Variants in TRIM67 observed in about 807,000 individuals in gnomAD.
TRIM67 encodes tripartite motif containing 67.
A neutral mutation model predicts 71.0 loss-of-function variants in TRIM67; 39 were observed. That is an observed-to-expected ratio of 0.55 (90% CI 0.43 to 0.72). The LOEUF is 0.72. Among genes scored for constraint, TRIM67 ranks in the 30% least tolerant of loss-of-function variants. TRIM67 has a pLI of 0.00. For synonymous variants in TRIM67, 481 were observed against 473.9 expected, an observed-to-expected ratio of 1.01 and a Z score of -0.19; for missense variants, 973 against 1,079.2, an observed-to-expected ratio of 0.90 and a Z score of 1.38.
In TRIM67 at chr1:231,163,624, G is replaced by T; in HGVS notation, c.655G>T (p.Ala219Ser). The part of the protein sequence containing the change: ...QLCDRTPPEP[A>S]ATLCEQCDVL... ...GTGCGACCGCACCCCGCCAGAGCCA[G>T]CAGCCACGCTCTGCGAGCAGTGCGA... is the stretch of plus-strand genomic sequence containing the variant. Residue 219 changes from alanine (A) to serine (S), a missense_variant, in exon 1 of 10, where the codon GCA becomes TCA. By Grantham distance (99) the Ala-to-Ser change is moderately conservative. Transcript: ENST00000366653. 6.6e-7 allele frequency: 1 copy of T among 1,520,518 alleles called. No individual in the cohort carries two copies. The highest frequency in any genetic ancestry group is 8.8e-7 in the Non-Finnish European group (1 of 1,137,244). The allele number at this position is 1,520,518 out of a possible 1,614,324, so 94.2% of individuals were successfully genotyped here. A position where few individuals can be genotyped will look rare whatever the true frequency, so the allele number is the denominator to read the frequency against.
intron 7 of TRIM67, among the ~76,000 whole-genome samples, chr1:231,208,154 G>A (rs548172124): frequency 8.0e-5 from 12 of 150,350 alleles, no homozygotes; most frequent in South Asian, 2.1e-4. Context: ...GACTATAGGC[G>A]CCCACCACCA....
rs1352535467 is a variant in TRIM67, at chr1:231,198,526, A to G, written c.1141-521A>G. On this transcript the variant is annotated intron_variant, in intron 2 of 9. Coordinates refer to ENST00000366653, the MANE Select transcript of TRIM67 (RefSeq NM_001004342.5). ...CTCAGCCCCCTGAGTAGCTGGGATT[A>G]CAGGCATGTGCCCCTACACCCAGCT... 3.3e-5 allele frequency among the ~76,000 whole-genome samples: 5 copies of G among 152,180 alleles called. No individual in the cohort carries two copies. In the South Asian group the frequency reaches 1.0e-3, roughly 32 times the overall value.
intron 9 of TRIM67, 77 bp downstream of exon 9, chr1:231,214,054 C>A: frequency 1.4e-6 from 2 of 1,446,760 alleles, no homozygotes; most frequent in Non-Finnish European, 1.8e-6. Flanking sequence ...TGCCCTTGGG[C>A]AGAGTGGGCC....
intron 7 of TRIM67, among the ~76,000 whole-genome samples, chr1:231,208,500 C>T (rs546068870): frequency 1.1e-4 from 17 of 151,908 alleles, no homozygotes; most frequent in South Asian, 2.1e-4. Context: ...TTAGTAGAGA[C>T]GGAGTTTAAC....
chr1:231,162,394 A>G lies in TRIM67; in HGVS notation c.-576A>G, dbSNP rs1186257449. ...CAGGGGTCGGCGAGCAGGCAGCTGG[A>G]GCCCCACCTTCGGCTCCCGGGCGCT... On this transcript the variant is annotated 5_prime_UTR_variant, in exon 1 of 10. Transcript: ENST00000366653. The G allele has an allele frequency of 1.3e-5, 2 of 152,222 alleles. No homozygotes were observed. The highest frequency in any genetic ancestry group is 4.8e-5 in the African/African-American group (2 of 41,450). 9.4% of individuals were successfully genotyped at this position (152,222 alleles called of 1,614,324 possible).
At chr1:231,185,614 G>C (rs953327207) in intron 1 of TRIM67, among the ~76,000 whole-genome samples, 1 of 151,898 alleles carries the variant, frequency 6.6e-6, no homozygotes, top group African/African-American at 2.4e-5. Flanking sequence ...CCCTTTTGCA[G>C]CTCCCCAGAG....
chr1:231,164,107 G>A (rs1571864485), intron 1 of TRIM67, 94 bp downstream of exon 1: 6 of 1,330,636 alleles, frequency 4.5e-6, no homozygotes, highest in Non-Finnish European at 5.8e-6. Context: ...ACAGAAAGTC[G>A]GTCAGAGGGT....
chr1:231,187,510 AC>A (rs1167572244), intron 1 of TRIM67: 69 of 1,515,404 alleles, frequency 4.6e-5, no homozygotes, highest in African/African-American at 1.4e-4. Flanking sequence ...AAAAAAAAAA[AC>A]AATACCTTAG....
intron 6 of TRIM67, among the ~76,000 whole-genome samples, chr1:231,206,127 A>AT (rs530000736): frequency 3.3e-5 from 5 of 150,514 alleles, no homozygotes; most frequent in East Asian, 1.9e-4. Context: ...TTTGGTAAGA[A>AT]TTTTTTTTTT....
Position 231,218,432 on chromosome 1 carries a change from C to T in TRIM67, c.*2992C>T. 1 of 985,634 alleles carries T rather than the reference C, an allele frequency of 1.0e-6. No homozygotes were observed. The highest frequency in any genetic ancestry group is 1.2e-6 in the Non-Finnish European group (1 of 830,098). The allele number at this position is 985,634 out of a possible 1,614,324, so 61.1% of individuals were successfully genotyped here. A position where few individuals can be genotyped will look rare whatever the true frequency, so the allele number is the denominator to read the frequency against. On this transcript the variant is annotated 3_prime_UTR_variant, in exon 10 of 10. Coordinates refer to ENST00000366653, the MANE Select transcript of TRIM67 (RefSeq NM_001004342.5). Reference sequence around the variant, plus strand: ...ATAGTGCCTCTGTAATGTGGTTCTGCAGTTGTTCTTTGCTAGTGAGCAAGC... The same window carrying T: ...ATAGTGCCTCTGTAATGTGGTTCTGTAGTTGTTCTTTGCTAGTGAGCAAGC...
At chr1:231,191,826 G>A (rs1683238173) in intron 1 of TRIM67, among the ~76,000 whole-genome samples, 1 of 152,132 alleles carries the variant, frequency 6.6e-6, no homozygotes, top group Non-Finnish European at 1.5e-5. Flanking sequence ...AATATCTCAG[G>A]GAGCTAGTCA....
intron 1 of TRIM67, 45 bp downstream of exon 1, chr1:231,164,058 A>G: frequency 2.8e-6 from 4 of 1,436,098 alleles, no homozygotes; most frequent in Non-Finnish European, 3.7e-6. Context: ...GGAAGAGGGT[A>G]CGAGGAGAAA....
chr1:231,206,746 G>T lies in TRIM67; in HGVS notation c.1775G>T (p.Gly592Val). 6.2e-7 allele frequency: 1 copy of T among 1,611,174 alleles called. No individual in the cohort carries two copies. Among genetic ancestry groups the T allele is most frequent in the Non-Finnish European group, 8.5e-7 (1 of 1,178,752 alleles). Residue 592 changes from glycine (G) to valine (V), a missense_variant, in exon 7 of 10, where the codon GGT becomes GTT. By Grantham distance (109) the Gly-to-Val change is moderately radical. Around this residue, in one of 2 missense-constraint regions of TRIM67, gnomAD observed 795 missense variants for 831.3 expected, o/e 0.96. Transcript: ENST00000366653. ...CGAGTCAAAGCTTTCAACTCTTCTG[G>T]TGTCGGGCCTTACAGTAAAACTGTC... ...NARVKAFNSSGVGPYSKTVVL... is the reference protein window; with the variant it reads ...NARVKAFNSSVVGPYSKTVVL...
At chr1:231,185,098 C>T in intron 1 of TRIM67, 2 of 1,532,936 alleles carry the variant, frequency 1.3e-6, no homozygotes, top group Non-Finnish European at 8.7e-7. Context: ...CTTCGGTCAC[C>T]ATCTGCTGGC....
intron 2 of TRIM67, among the ~76,000 whole-genome samples, chr1:231,198,716 A>C (rs1683440190): frequency 6.6e-6 from 1 of 152,120 alleles, no homozygotes; most frequent in Non-Finnish European, 1.5e-5. Context: ...ACATACACAC[A>C]CACACACAAT....
chr1:231,168,518 A>G (rs1360881648), intron 1 of TRIM67, among the ~76,000 whole-genome samples: 2 of 152,254 alleles, frequency 1.3e-5, no homozygotes, highest in Non-Finnish European at 2.9e-5. Context: ...TTTCATAAAG[A>G]TGACACCTAC....
chr1:231,184,744 A>T (rs187694501), intron 1 of TRIM67: 1 of 495,504 alleles, frequency 2.0e-6, no homozygotes, highest in Admixed American at 3.5e-5. Context: ...TGGGGTTCTC[A>T]TTCTACCGAG....
intron 1 of TRIM67, among the ~76,000 whole-genome samples, chr1:231,188,732 G>T (rs1004145087): frequency 3.9e-5 from 6 of 152,260 alleles, no homozygotes; most frequent in African/African-American, 1.4e-4. Flanking sequence ...GCACCTCCTT[G>T]CTAGGTTATG....
intron 1 of TRIM67, among the ~76,000 whole-genome samples, chr1:231,191,889 A>G (rs1683239507): frequency 6.6e-6 from 1 of 152,178 alleles, no homozygotes; most frequent in Admixed American, 6.5e-5. Context: ...TATGGAGCAC[A>G]TTCTACATGT....
Sources: allele counts gnomAD v4.1 joint callset (sites outside exome capture counted in the v4.1 genomes callset), GRCh38; gene constraint gnomAD v4.1.1; regional missense constraint gnomAD v4.1.1; transcripts MANE v1.5; gene names NCBI Gene and HGNC (gene_info 2026-07-23, HGNC 2026-07-21).